The following SERPING1 variants were observed in gnomAD, a reference collection of about 807,000 sequenced individuals.
SERPING1 encodes plasma protease C1 inhibitor.
In SERPING1, 5 loss-of-function variants were observed where a neutral mutation model predicts 34.1. That is an observed-to-expected ratio of 0.15 (90% CI 0.08 to 0.31). The LOEUF (loss-of-function observed/expected upper bound fraction) is 0.31, where lower values mean the gene tolerates loss of function less well. Ranked by LOEUF, SERPING1 falls within the 10% of genes least tolerant of loss-of-function variation. The pLI is 1.00. For synonymous variants in SERPING1, 225 were observed against 242.4 expected (o/e 0.93, Z 0.67); for missense variants, 505 against 609.5 (o/e 0.83, Z 1.81).
At chr11:57,612,075 T>C in intron 7 of SERPING1, 139 bp downstream of exon 7, 1 of 759,608 alleles carries the variant, frequency 1.3e-6, no homozygotes, top group Middle Eastern at 3.5e-4. Context: ...GTTAGAGGGG[T>C]AGGTGCTATT....
At chr11:57,609,253 G>C (rs527664241) in intron 6 of SERPING1, among the ~76,000 whole-genome samples, 2 of 151,614 alleles carry the variant, frequency 1.3e-5, no homozygotes. Flanking sequence ...ACTCCAACCT[G>C]GGCAACACAG....
At chr11:57,605,961 A>G (rs749381604) in intron 4 of SERPING1, 49 bp from the exon 5 acceptor site, 3 of 1,534,742 alleles carry the variant, frequency 2.0e-6, no homozygotes, top group Non-Finnish European at 1.8e-6. Flanking sequence ...GCTCATGGAA[A>G]GAACGACGTG....
chr11:57,612,190 G>A lies in SERPING1; in HGVS notation c.1249+254G>A, dbSNP rs113769653. Among the ~76,000 whole-genome samples, 12 of 152,160 alleles carry A rather than the reference G, an allele frequency of 7.9e-5. No individual in the cohort carries two copies. In the South Asian group the frequency reaches 8.3e-4, roughly 11 times the overall value. On this transcript the variant is annotated intron_variant, in intron 7 of 7. Coordinates refer to ENST00000278407, the MANE Select transcript of SERPING1 (RefSeq NM_000062.3). Reference sequence around the variant, plus strand: ...CTAGTCAGAGGCAAACCAGAACACCGACCCAGGTCTCCAGCTCTCCTGAGT... The same window carrying A: ...CTAGTCAGAGGCAAACCAGAACACCAACCCAGGTCTCCAGCTCTCCTGAGT...
Position 57,605,327 on chromosome 11 carries a change from C to G in SERPING1, c.686-683C>G, listed in dbSNP as rs537814140. The stretch of plus-strand genomic sequence containing the variant: ...CTTTTTTTTTTTTTTGAGACAGAAT[C>G]TCGCTCTGTCGCCCAGGCTGGAATG... On this transcript the variant is annotated intron_variant, in intron 4 of 7. Coordinates refer to ENST00000278407, the MANE Select transcript of SERPING1 (RefSeq NM_000062.3). Among the ~76,000 whole-genome samples, 10 of 150,612 alleles carry G rather than the reference C, an allele frequency of 6.6e-5. No homozygotes were observed. The South Asian group carries it at 1.9e-3, about 28-fold the overall frequency.
intron 7 of SERPING1, among the ~76,000 whole-genome samples, chr11:57,612,741 G>GT (rs1313608132): frequency 6.7e-6 from 1 of 150,320 alleles, no homozygotes; most frequent in African/African-American, 2.4e-5. Context: ...TCTAACCTTT[G>GT]TTTTTTTGTT....
In SERPING1 at chr11:57,614,565, A is replaced by G. The variant is rs894494647; in HGVS notation, c.1487A>G (p.Tyr496Cys). 7 of 1,613,806 alleles carry G rather than the reference A, an allele frequency of 4.3e-6. No homozygotes were observed. The highest frequency in any genetic ancestry group is 2.7e-5 in the African/African-American group (2 of 74,934). The change falls in exon 8 of 8, where the codon TAT becomes TGT. Residue 496 changes from tyrosine to cysteine, a missense_variant. By Grantham distance (194) the Tyr-to-Cys change is radical. Transcript: ENST00000278407. ...HKFPVFMGRV[Y>C]DPRA ...TTCCCTGTCTTCATGGGGCGAGTAT[A>G]TGACCCCAGGGCCTGAGACCTGCAG... is the stretch of plus-strand genomic sequence containing the variant.
At chr11:57,599,626 C>G (rs1945324646) in intron 2 of SERPING1, among the ~76,000 whole-genome samples, 2 of 152,194 alleles carry the variant, frequency 1.3e-5, no homozygotes, top group Admixed American at 1.3e-4. Context: ...TCAGAGATTA[C>G]AGAGTCCCTG....
Position 57,599,873 on chromosome 11 carries a change from C to T in SERPING1, c.52-6C>T. The T allele has an allele frequency of 6.2e-7, 1 of 1,614,168 alleles. No homozygotes were observed. The highest frequency in any genetic ancestry group is 1.1e-5 in the South Asian group (1 of 91,092). ...AAAAAATGAAACTCAGTTTCTTGAACCACAGGATAGAGCCTCCTCAAATCC... is the reference window on the plus strand; with the variant it reads ...AAAAAATGAAACTCAGTTTCTTGAATCACAGGATAGAGCCTCCTCAAATCC... On this transcript the variant is annotated splice_polypyrimidine_tract_variant and splice_region_variant and intron_variant, in intron 2 of 7. Coordinates refer to ENST00000278407, the MANE Select transcript of SERPING1 (RefSeq NM_000062.3).
intron 3 of SERPING1, among the ~76,000 whole-genome samples, chr11:57,601,351 A>C (rs1945345497): frequency 6.6e-6 from 1 of 151,866 alleles, no homozygotes; most frequent in African/African-American, 2.4e-5. Context: ...CAGTGAGCCG[A>C]AATCATGCCA....
intron 6 of SERPING1, among the ~76,000 whole-genome samples, chr11:57,610,445 A>C (rs1158544523): frequency 6.6e-6 from 1 of 152,220 alleles, no homozygotes; most frequent in Non-Finnish European, 1.5e-5. Context: ...CTTGAGTGCT[A>C]CATCAACAGG....
Position 57,600,106 on chromosome 11 carries a change from GCCCACCACCCAA to G in SERPING1, c.287_298del (p.Thr96_Thr99del). The G allele has an allele frequency of 1.2e-6, 2 of 1,611,118 alleles. No individual in the cohort carries two copies. Among genetic ancestry groups the G allele is most frequent in the Non-Finnish European group, 1.7e-6 (2 of 1,178,102 alleles). On this transcript the variant is annotated inframe_deletion, in exon 3 of 8. Coordinates refer to ENST00000278407, the MANE Select transcript of SERPING1 (RefSeq NM_000062.3). Reference sequence around the variant, plus strand: ...AACCCACCACACAACCCACCACAGAGCCCACCACCCAACCCACCATCCAACCCACCCAACCAA... The same window carrying G: ...AACCCACCACACAACCCACCACAGAGCCCACCATCCAACCCACCCAACCAA...
At chr11:57,612,874 AGC>A (rs751827226) in intron 7 of SERPING1, among the ~76,000 whole-genome samples, 6 of 151,926 alleles carry the variant, frequency 3.9e-5, no homozygotes, top group Non-Finnish European at 5.9e-5. Context: ...CCTCCCAAGT[AGC>A]TGGGATTACA....
In SERPING1 at chr11:57,598,300, C is replaced by CCTG. The variant is rs758086092; in HGVS notation, c.43_45dup (p.Leu15dup). Reference sequence around the variant, plus strand: ...CCTCCAGGCTGACCCTGCTGACCCTCCTGCTGCTGCTGCTGGCTGGGGTAT... The same window carrying CCTG: ...CCTCCAGGCTGACCCTGCTGACCCTCCTGCTGCTGCTGCTGCTGGCTGGGGTAT... On this transcript the variant is annotated inframe_insertion, in exon 2 of 8. Transcript: ENST00000278407. 6 of 1,563,628 alleles carry CCTG rather than the reference C, an allele frequency of 3.8e-6. No individual in the cohort carries two copies. Among genetic ancestry groups the CCTG allele is most frequent in the South Asian group, 1.2e-5 (1 of 85,308 alleles).
At chr11:57,605,814 T>A in intron 4 of SERPING1, 196 bp from the exon 5 acceptor site, 1 of 652,586 alleles carries the variant, frequency 1.5e-6, no homozygotes, top group Non-Finnish European at 2.8e-6. Context: ...ACTTCTCTTG[T>A]TCTTGGTTCT....
In SERPING1 at chr11:57,600,031, C is replaced by G. The variant is rs1216930769; in HGVS notation, c.204C>G (p.Thr68=). Residue 68 remains threonine (T), a synonymous_variant, in exon 3 of 8, where the codon ACC becomes ACG. Coordinates refer to ENST00000278407, the MANE Select transcript of SERPING1 (RefSeq NM_000062.3). ...PILEVSSLPT[T]NSTTNSATKI... is the part of the protein sequence containing the mutation. The stretch of plus-strand genomic sequence containing the variant: ...TGGAGGTTTCCAGCTTGCCGACAAC[C>G]AACTCAACAACCAATTCAGCCACCA... 1 of 1,614,106 alleles carries G rather than the reference C, an allele frequency of 6.2e-7. No individual in the cohort carries two copies. Among genetic ancestry groups the G allele is most frequent in the East Asian group, 2.2e-5 (1 of 44,884 alleles).
At position 57,600,263 on chromosome 11, in the gene SERPING1, T is replaced by C. The variant is rs1945333285; in HGVS notation, c.436T>C (p.Leu146=). Reference sequence around the variant, plus strand: ...AACAGAGGCCGTGTTGGGGGATGCTTTGGTAGATTTCTCCCTGAAGCTCTA... The same window carrying C: ...AACAGAGGCCGTGTTGGGGGATGCTCTGGTAGATTTCTCCCTGAAGCTCTA... ...HSTEAVLGDA[L]VDFSLKLYHA... is the part of the protein sequence containing the mutation. Residue 146 remains leucine, a synonymous_variant, in exon 3 of 8, where the codon TTG becomes CTG. Coordinates refer to ENST00000278407, the MANE Select transcript of SERPING1 (RefSeq NM_000062.3). The C allele has an allele frequency of 6.2e-7, 1 of 1,614,118 alleles. No individual in the cohort carries two copies. Among genetic ancestry groups the C allele is most frequent in the Non-Finnish European group, 8.5e-7 (1 of 1,180,030 alleles).
Position 57,614,612 on chromosome 11 carries a change from A to G in SERPING1, c.*31A>G, listed in dbSNP as rs769568260. The G allele has an allele frequency of 6.2e-7, 1 of 1,606,176 alleles. No homozygotes were observed. The highest frequency in any genetic ancestry group is 2.2e-5 in the East Asian group (1 of 44,708). On this transcript the variant is annotated 3_prime_UTR_variant, in exon 8 of 8. Coordinates refer to ENST00000278407, the MANE Select transcript of SERPING1 (RefSeq NM_000062.3). The stretch of plus-strand genomic sequence containing the variant: ...GCAGGATCAGGTTAGGGCGAGCGCT[A>G]CCTCTCCAGCCTCAGCTCTCAGTTG...
Position 57,614,370 on chromosome 11 carries a change from C to T in SERPING1, c.1292C>T (p.Thr431Ile). 2 of 1,614,098 alleles carry T rather than the reference C, an allele frequency of 1.2e-6. No homozygotes were observed. Among genetic ancestry groups the T allele is most frequent in the Non-Finnish European group, 1.7e-6 (2 of 1,180,034 alleles). The change falls in exon 8 of 8, where the codon ACA becomes ATA. Residue 431 changes from threonine (T) to isoleucine (I), a missense_variant. Transcript: ENST00000278407. The part of the protein sequence containing the change: ...FSYDLNLCGL[T>I]EDPDLQVSAM... ...TATGACCTTAACCTGTGTGGGCTGA[C>T]AGAGGACCCAGATCTTCAGGTTTCT...
intron 4 of SERPING1, among the ~76,000 whole-genome samples, chr11:57,602,504 C>A (rs1945360243): frequency 6.6e-6 from 1 of 151,886 alleles, no homozygotes; most frequent in East Asian, 1.9e-4. Flanking sequence ...CACCTGTAAT[C>A]CCAGCACTTT....
Sources: allele counts gnomAD v4.1 joint callset (sites outside exome capture counted in the v4.1 genomes callset), GRCh38; gene constraint gnomAD v4.1.1; transcripts MANE v1.5; gene names NCBI Gene and HGNC (gene_info 2026-07-23, HGNC 2026-07-21).